The following CSF2RB variants were observed in gnomAD, a reference collection of about 807,000 sequenced individuals.
CSF2RB encodes the protein cytokine receptor common subunit beta.
Under a neutral mutation model 67.2 loss-of-function variants are expected in CSF2RB, and 22 were observed. That is an observed-to-expected ratio of 0.33 (90% CI 0.23 to 0.47). CSF2RB has a LOEUF of 0.47. CSF2RB is among the 20% of genes least tolerant of loss of function. The probability of loss-of-function intolerance (pLI) is 1.00; values close to 1 mark genes in which losing one functional copy is unlikely to be tolerated. For synonymous variants in CSF2RB, 507 were observed against 482.9 expected (o/e 1.05, Z -0.65); for missense variants, 1,113 against 1,174.5 (o/e 0.95, Z 0.76).
intron 10 of CSF2RB, 111 bp downstream of exon 10, chr22:36,934,105 G>A (rs2145817096): frequency 7.1e-7 from 1 of 1,401,982 alleles, no homozygotes; most frequent in Non-Finnish European, 9.8e-7. Flanking sequence ...ACTTGTAGGT[G>A]AGCCGTCTCC....
chr22:36,924,556 CTAA>C (rs1257282357), intron 3 of CSF2RB, among the ~76,000 whole-genome samples: 1 of 152,164 alleles, frequency 6.6e-6, no homozygotes, highest in Non-Finnish European at 1.5e-5. Flanking sequence ...GCAGCATTCC[CTAA>C]AGAGTTGTCC....
rs1569140553 is a variant in CSF2RB at position 36,938,031 on chromosome 22, C to T, written c.2223C>T (p.Thr741=). ...VPSLGLPSDQ[T]PSLCPGLASG... ...CTCTGGGCCTCCCCTCAGACCAGACCCCCAGCTTATGTCCTGGGCTGGCCA... is the reference window on the plus strand; with the variant it reads ...CTCTGGGCCTCCCCTCAGACCAGACTCCCAGCTTATGTCCTGGGCTGGCCA... Residue 741 remains threonine, a synonymous_variant, in exon 14 of 14, where the codon ACC becomes ACT. Transcript: ENST00000403662. 1 of 1,613,978 alleles carries T rather than the reference C, an allele frequency of 6.2e-7. No individual in the cohort carries two copies. The highest frequency in any genetic ancestry group is 8.5e-7 in the Non-Finnish European group (1 of 1,180,026).
chr22:36,932,304 G>A (rs1297595763), intron 8 of CSF2RB, among the ~76,000 whole-genome samples: 5 of 151,902 alleles, frequency 3.3e-5, no homozygotes, highest in South Asian at 2.1e-4. Context: ...GCTTGGTGGC[G>A]GGTGCCTGTA....
At chr22:36,916,564 T>A (rs1428302900) in intron 1 of CSF2RB, among the ~76,000 whole-genome samples, 1 of 152,160 alleles carries the variant, frequency 6.6e-6, no homozygotes, top group Non-Finnish European at 1.5e-5. Context: ...TAATTTAGAA[T>A]CAGTTTGCCA....
intron 2 of CSF2RB, chr22:36,922,665 C>G: frequency 2.6e-6 from 1 of 381,928 alleles, no homozygotes; most frequent in Non-Finnish European, 4.9e-6. Flanking sequence ...GGTTCTCTCC[C>G]TGCTTCAGCC....
chr22:36,929,948 C>A, intron 6 of CSF2RB, 141 bp downstream of exon 6: 2 of 1,150,350 alleles, frequency 1.7e-6, no homozygotes, highest in Non-Finnish European at 2.4e-6. Flanking sequence ...GTCCCTGGGC[C>A]GTCCCACCTC....
rs753952204 is a variant in CSF2RB at position 36,938,025 on chromosome 22, C to A, written c.2217C>A (p.Asp739Glu). 1 of 1,614,086 alleles carries A rather than the reference C, an allele frequency of 6.2e-7. No individual in the cohort carries two copies. Among genetic ancestry groups the A allele is most frequent in the South Asian group, 1.1e-5 (1 of 91,068 alleles). ...SLVPSLGLPS[D>E]QTPSLCPGLA... is the part of the protein sequence containing the mutation. ...TTCCCTCTCTGGGCCTCCCCTCAGA[C>A]CAGACCCCCAGCTTATGTCCTGGGC... The change falls in exon 14 of 14, where the codon GAC becomes GAA. Residue 739 changes from aspartate to glutamate, a missense_variant. Physicochemically the swap from Asp to Glu is conservative, Grantham distance 45 (BLOSUM62 2). Transcript: ENST00000403662.
chr22:36,928,896 A>G (rs1404141661), intron 4 of CSF2RB, among the ~76,000 whole-genome samples: 1 of 152,090 alleles, frequency 6.6e-6, no homozygotes, highest in Non-Finnish European at 1.5e-5. Flanking sequence ...AATTCCACTG[A>G]GCTATGGTGA....
intron 6 of CSF2RB, 44 bp from the exon 7 acceptor site, chr22:36,930,331 G>T: frequency 6.2e-7 from 1 of 1,612,718 alleles, no homozygotes. Flanking sequence ...AGAGCTATGG[G>T]AGGGATGAAT....
intron 4 of CSF2RB, among the ~76,000 whole-genome samples, chr22:36,927,947 G>A (rs1317253792): frequency 2.0e-5 from 3 of 152,128 alleles, no homozygotes; most frequent in East Asian, 1.9e-4. Context: ...ATAAGCCAAC[G>A]AAGCAGTCAA....
intron 1 of CSF2RB, among the ~76,000 whole-genome samples, chr22:36,918,251 A>G (rs1940769542): frequency 6.6e-6 from 1 of 152,136 alleles, no homozygotes; most frequent in Admixed American, 6.5e-5. Flanking sequence ...TACATACTCA[A>G]AATTTTTTGT....
At chr22:36,923,498 A>T (rs1355145840) in intron 3 of CSF2RB, 131 bp downstream of exon 3, 1 of 1,384,544 alleles carries the variant, frequency 7.2e-7, no homozygotes, top group Non-Finnish European at 9.9e-7. Flanking sequence ...ACAGAGGAGG[A>T]GGGAGGCCCT....
intron 10 of CSF2RB, 29 bp downstream of exon 10, chr22:36,934,023 T>C: frequency 6.2e-7 from 1 of 1,610,206 alleles, no homozygotes; most frequent in South Asian, 1.1e-5. Context: ...CCAGAGCTTC[T>C]GGCCAGGACC....
At position 36,937,797 on chromosome 22, in the gene CSF2RB, A is replaced by G; in HGVS notation, c.1989A>G (p.Ala663=). Residue 663 remains alanine (A), a synonymous_variant, in exon 14 of 14, where the codon GCA becomes GCG. Transcript: ENST00000403662. This position sits in a 1 kb window ranked among gnomAD's most constrained non-coding sequence, Gnocchi z 4.6. ...AGAGAAGGCCGAGCCAGGGGGCTGC[A>G]GGGAGTCCCTCCCTGGAGTCCGGGG... The part of the protein sequence containing the change: ...EVERRPSQGA[A]GSPSLESGGG... 6.3e-7 allele frequency: 1 copy of G among 1,593,510 alleles called. No homozygotes were observed. The highest frequency in any genetic ancestry group is 2.3e-5 in the East Asian group (1 of 44,234).
rs572101673 is a variant in CSF2RB, at chr22:36,937,246, G to A, written c.1569-131G>A. ...GCTCCCTCAACCCTGTCCCGTTCAG[G>A]TTCTCTCTGTGAGATCTGGGGGACA... On this transcript the variant is annotated intron_variant, in intron 13 of 13. Transcript: ENST00000403662. The surrounding 1 kb of genome is among the most constrained non-coding windows in gnomAD (Gnocchi z 4.6). 3.0e-5 allele frequency: 35 copies of A among 1,169,868 alleles called. No individual in the cohort carries two copies. Among genetic ancestry groups the A allele is most frequent in the Non-Finnish European group, 4.2e-5 (34 of 811,026 alleles). The allele number at this position is 1,169,868 out of a possible 1,614,324, so 72.5% of individuals were successfully genotyped here. A position where few individuals can be genotyped will look rare whatever the true frequency, so the allele number is the denominator to read the frequency against.
chr22:36,924,866 G>A (rs1940974466), intron 3 of CSF2RB, among the ~76,000 whole-genome samples: 1 of 151,302 alleles, frequency 6.6e-6, no homozygotes, highest in East Asian at 2.0e-4. Flanking sequence ...CCTCCTGATG[G>A]CAAGACACCC....
rs114895126 is a variant in CSF2RB, at chr22:36,919,091, C to T, written c.-172-2945C>T. 3.4e-3 allele frequency among the ~76,000 whole-genome samples: 525 copies of T among 152,272 alleles called. 5 individuals carry two copies. Among genetic ancestry groups the T allele is most frequent in the African/African-American group, 0.012 (496 of 41,524 alleles). On this transcript the variant is annotated intron_variant, in intron 1 of 13. Transcript: ENST00000403662. ...GTCACTTGACTGCACCTAGTGGCAACGGAGTATAGGAAGGAAATAGACCTT... is the reference window on the plus strand; with the variant it reads ...GTCACTTGACTGCACCTAGTGGCAATGGAGTATAGGAAGGAAATAGACCTT...
rs1601580044 is a variant in CSF2RB at position 36,922,093 on chromosome 22, G to C, written c.-115G>C. Reference sequence around the variant, plus strand: ...TCCCAAGAGCCTGTGAAATGGGTCTGGCCTGGCTCCCAGCTGGGCAGGAAC... The same window carrying C: ...TCCCAAGAGCCTGTGAAATGGGTCTCGCCTGGCTCCCAGCTGGGCAGGAAC... On this transcript the variant is annotated 5_prime_UTR_variant, in exon 2 of 14. Transcript: ENST00000403662. 1.0e-6 allele frequency: 1 copy of C among 952,956 alleles called. No homozygotes were observed. The highest frequency in any genetic ancestry group is 2.0e-5 in the Admixed American group (1 of 49,794). The allele number at this position is 952,956 out of a possible 1,614,324, so 59.0% of individuals were successfully genotyped here.
At position 36,935,270 on chromosome 22, in the gene CSF2RB, C is replaced by G. The variant is rs1941242086; in HGVS notation, c.1316-81C>G. 5 of 1,333,448 alleles carry G rather than the reference C, an allele frequency of 3.7e-6. No homozygotes were observed. In the South Asian group the frequency reaches 6.0e-5, roughly 16 times the overall value. The allele number at this position is 1,333,448 out of a possible 1,614,324, so 82.6% of individuals were successfully genotyped here. On this transcript the variant is annotated intron_variant, in intron 10 of 13. Transcript: ENST00000403662. ...GCACAGAGCGGGGTCTTAAGGAATA[C>G]TGCACCAACCCCACTCCCTGCCCTG...
Sources: allele counts gnomAD v4.1 joint callset (sites outside exome capture counted in the v4.1 genomes callset), GRCh38; gene constraint gnomAD v4.1.1; non-coding constraint Gnocchi (gnomAD v3.1); transcripts MANE v1.5; gene names NCBI Gene and HGNC (gene_info 2026-07-23, HGNC 2026-07-21).